The following VWA8 variants were observed in gnomAD, a reference collection of about 807,000 sequenced individuals.
The protein encoded by VWA8 is von Willebrand factor A domain-containing protein 8.
VWA8 carries 221 observed loss-of-function variants against 241.5 expected under a neutral mutation model. That is an observed-to-expected ratio of 0.91 (90% CI 0.82 to 1.02). The LOEUF (loss-of-function observed/expected upper bound fraction) is 1.02, where lower values mean the gene tolerates loss of function less well. Among genes scored for constraint, VWA8 ranks in the 50% least tolerant of loss-of-function variants. The probability of loss-of-function intolerance (pLI) is 0.00; values close to 1 mark genes in which losing one functional copy is unlikely to be tolerated. For missense variants in VWA8, 2,322 were observed against 2,328.7 expected, an observed-to-expected ratio of 1.00 and a Z score of 0.06; for synonymous variants, 852 against 827.1, an observed-to-expected ratio of 1.03 and a Z score of -0.52.
chr13:41,612,202 C>T (rs1348501621), intron 38 of VWA8, among the ~76,000 whole-genome samples: 2 of 152,182 alleles, frequency 1.3e-5, no homozygotes, highest in Non-Finnish European at 2.9e-5. Flanking sequence ...AAAACCTAGA[C>T]AGTTAAGCTA....
At chr13:41,855,731 T>C (rs1219294566) in intron 12 of VWA8, among the ~76,000 whole-genome samples, 1 of 152,112 alleles carries the variant, frequency 6.6e-6, no homozygotes, top group Non-Finnish European at 1.5e-5. Context: ...TATATCTCAA[T>C]TGTGGTACTG....
intron 20 of VWA8, among the ~76,000 whole-genome samples, chr13:41,772,034 G>A (rs2137921524): frequency 6.6e-6 from 1 of 151,890 alleles, no homozygotes; most frequent in African/African-American, 2.4e-5. Flanking sequence ...GGGATTACAG[G>A]CATGAACCAC....
chr13:41,949,587 C>T (rs185863046), intron 2 of VWA8, among the ~76,000 whole-genome samples: 5 of 150,994 alleles, frequency 3.3e-5, no homozygotes, highest in Non-Finnish European at 5.9e-5. Flanking sequence ...AACAAACCTG[C>T]GTGTACTGCA....
intron 37 of VWA8, among the ~76,000 whole-genome samples, chr13:41,635,733 C>A (rs1488706102): frequency 6.6e-6 from 1 of 152,136 alleles, no homozygotes; most frequent in African/African-American, 2.4e-5. Context: ...ACCAGAAGAG[C>A]TCCTACCCCA....
At chr13:41,701,230 T>C (rs1398607680) in intron 28 of VWA8, among the ~76,000 whole-genome samples, 162 bp downstream of exon 28, 1 of 152,182 alleles carries the variant, frequency 6.6e-6, no homozygotes, top group Non-Finnish European at 1.5e-5. Context: ...TTTTTTAGGT[T>C]GTTAGAGGAA....
At chr13:41,600,299 T>C (rs1335052996) in intron 40 of VWA8, among the ~76,000 whole-genome samples, 3 of 152,154 alleles carry the variant, frequency 2.0e-5, no homozygotes, top group Non-Finnish European at 4.4e-5. Flanking sequence ...CCCATAGTCA[T>C]GCAGCCCAGA....
chr13:41,806,599 A>G (rs1870220712), intron 17 of VWA8, among the ~76,000 whole-genome samples: 1 of 152,292 alleles, frequency 6.6e-6, no homozygotes, highest in South Asian at 2.1e-4. Flanking sequence ...GCTGCTTGGG[A>G]GGCTGAGGCA....
intron 37 of VWA8, among the ~76,000 whole-genome samples, chr13:41,657,506 G>A (rs1442782156): frequency 5.0e-5 from 7 of 140,070 alleles, no homozygotes; most frequent in Non-Finnish European, 7.6e-5. Context: ...TTTTTGAAAC[G>A]GAGTCTCACT....
chr13:41,933,535 G>A (rs1877219302), intron 2 of VWA8, among the ~76,000 whole-genome samples: 1 of 151,986 alleles, frequency 6.6e-6, no homozygotes, highest in Non-Finnish European at 1.5e-5. Context: ...CAAAGATGGA[G>A]AACTAACATT....
At position 41,947,945 on chromosome 13, in the gene VWA8, AAAAAAAAACAAAAC is replaced by A. The variant is rs1343347914; in HGVS notation, c.241+1977_241+1990del. On this transcript the variant is annotated intron_variant, in intron 2 of 44. Coordinates refer to ENST00000379310, the MANE Select transcript of VWA8 (RefSeq NM_015058.2). ...AGACCCTGTCTCAAAAAAAAAAAAAAAAAAAAAACAAAACAAAACATTTTGGTAATTCCTTGAAA... is the reference window on the plus strand; with the variant it reads ...AGACCCTGTCTCAAAAAAAAAAAAAAAAAACATTTTGGTAATTCCTTGAAA... Among the ~76,000 whole-genome samples, 40 of 148,834 alleles carry A rather than the reference AAAAAAAAACAAAAC, an allele frequency of 2.7e-4. 2 individuals carry two copies. The highest frequency in any genetic ancestry group is 8.6e-4 in the South Asian group (4 of 4,648).
At chr13:41,907,517 C>G in intron 4 of VWA8, 69 bp downstream of exon 4, 1 of 1,378,872 alleles carries the variant, frequency 7.3e-7, no homozygotes. Flanking sequence ...TACTCTCTTT[C>G]TACTTTAAAA....
At chr13:41,678,199 G>A (rs2045073816) in intron 35 of VWA8, among the ~76,000 whole-genome samples, 1 of 152,164 alleles carries the variant, frequency 6.6e-6, no homozygotes, top group Admixed American at 6.6e-5. Flanking sequence ...CTAGGCATGG[G>A]TTGTCCCAAG....
At chr13:41,765,599 A>G (rs1046159087) in intron 20 of VWA8, among the ~76,000 whole-genome samples, 12 of 152,306 alleles carry the variant, frequency 7.9e-5, no homozygotes, top group Admixed American at 7.2e-4. Flanking sequence ...ATAAATATAT[A>G]AATAGTGTCT....
chr13:41,874,171 G>C (rs1449707203), intron 9 of VWA8, among the ~76,000 whole-genome samples: 2 of 151,200 alleles, frequency 1.3e-5, no homozygotes, highest in Non-Finnish European at 3.0e-5. Context: ...ATTAGGTATT[G>C]ATGGGACGTA....
chr13:41,835,083 G>T (rs941799938), intron 12 of VWA8, among the ~76,000 whole-genome samples: 2 of 152,166 alleles, frequency 1.3e-5, no homozygotes, highest in Admixed American at 1.3e-4. Flanking sequence ...GCCTGTCAGA[G>T]GGTGAGAGGA....
At chr13:41,786,554 G>A (rs1049154399) in intron 18 of VWA8, among the ~76,000 whole-genome samples, 1 of 152,008 alleles carries the variant, frequency 6.6e-6, no homozygotes, top group Non-Finnish European at 1.5e-5. Flanking sequence ...GTCGTTCTTT[G>A]GATATTTAAT....
chr13:41,615,172 T>C (rs1201227772), intron 37 of VWA8, 88 bp from the exon 38 acceptor site: 1 of 1,351,604 alleles, frequency 7.4e-7, no homozygotes, highest in Non-Finnish European at 1.0e-6. Context: ...TTCTCCTAAG[T>C]CCTTAAGGTA....
At chr13:41,717,595 T>C (rs758130322) in intron 26 of VWA8, among the ~76,000 whole-genome samples, 3 of 152,026 alleles carry the variant, frequency 2.0e-5, no homozygotes, top group Non-Finnish European at 2.9e-5. Flanking sequence ...TGATAGAAAT[T>C]GCTACACTTT....
chr13:41,787,361 G>A, intron 18 of VWA8, 76 bp downstream of exon 18: 2 of 1,186,004 alleles, frequency 1.7e-6, no homozygotes, highest in South Asian at 1.3e-5. Context: ...TATTTTAACT[G>A]GAATTAAAAT....
Sources: gnomAD v4.1 joint callset for allele counts (sites outside exome capture counted in the v4.1 genomes callset) on GRCh38, gnomAD v4.1.1 for gene constraint, MANE v1.5 for transcripts, NCBI Gene and HGNC (gene_info 2026-07-23, HGNC 2026-07-21) for gene names.